Variants in PHLPP2 observed in about 807,000 individuals in gnomAD.
The protein encoded by PHLPP2 is PH domain and leucine rich repeat protein phosphatase 2.
Under a neutral mutation model 124.9 loss-of-function variants are expected in PHLPP2, and 66 were observed. The observed-to-expected ratio is 0.53, with a 90% CI of 0.43 to 0.65. The LOEUF (loss-of-function observed/expected upper bound fraction) is 0.65, where lower values mean the gene tolerates loss of function less well. Among genes scored for constraint, PHLPP2 ranks in the 30% least tolerant of loss-of-function variants. The pLI, the probability that PHLPP2 is intolerant of heterozygous loss-of-function variation, is 0.00. For missense variants in PHLPP2, 1,685 were observed against 1,600.4 expected, an observed-to-expected ratio of 1.05 and a Z score of -0.90; for synonymous variants, 681 against 624.7, an observed-to-expected ratio of 1.09 and a Z score of -1.34.
At chr16:71,695,611 G>A (rs1201367333) in intron 3 of PHLPP2, among the ~76,000 whole-genome samples, 2 of 152,060 alleles carry the variant, frequency 1.3e-5, no homozygotes, top group African/African-American at 4.8e-5. Context: ...TTGGGAGGCT[G>A]AGGCAGCAGA....
At chr16:71,683,084 C>G (rs1484805642) in intron 5 of PHLPP2, among the ~76,000 whole-genome samples, 1 of 151,862 alleles carries the variant, frequency 6.6e-6, no homozygotes, top group Non-Finnish European at 1.5e-5. Flanking sequence ...GGCAGGAGAA[C>G]TGCTTGAACC....
chr16:71,696,441 A>T (rs2045171869), intron 3 of PHLPP2, among the ~76,000 whole-genome samples: 1 of 152,050 alleles, frequency 6.6e-6, no homozygotes, highest in Non-Finnish European at 1.5e-5. Flanking sequence ...GTTCGAGACC[A>T]GCCTGACCAA....
chr16:71,691,775 C>T (rs945590910), intron 3 of PHLPP2, among the ~76,000 whole-genome samples: 12 of 151,804 alleles, frequency 7.9e-5, no homozygotes, highest in Non-Finnish European at 1.6e-4. Flanking sequence ...AACAAAACAG[C>T]ACATAATAAC....
At chr16:71,664,188 G>T in intron 12 of PHLPP2, 89 bp from the exon 13 acceptor site, 1 of 876,354 alleles carries the variant, frequency 1.1e-6, no homozygotes. Context: ...AGTATGGAAT[G>T]CTGCCATTCT....
intron 1 of PHLPP2, among the ~76,000 whole-genome samples, chr16:71,719,576 G>A (rs2045384538): frequency 6.6e-6 from 1 of 150,668 alleles, no homozygotes; most frequent in Non-Finnish European, 1.5e-5. Context: ...GGCATTAATT[G>A]TTTATACATA....
chr16:71,706,984 C>T (rs1234156626), intron 2 of PHLPP2, among the ~76,000 whole-genome samples: 1 of 99,740 alleles, frequency 1.0e-5, no homozygotes. Flanking sequence ...GAGACGGAGT[C>T]TTGCTGTCGC....
rs1250211609 is a variant in PHLPP2, at chr16:71,664,076, G to A, written c.1808C>T (p.Ala603Val). 6.2e-7 allele frequency: 1 copy of A among 1,612,946 alleles called. No individual in the cohort carries two copies. Among genetic ancestry groups the A allele is most frequent in the East Asian group, 2.2e-5 (1 of 44,882 alleles). ...GGATGGTAAAGACTCCAGACTATTT[G>A]CAGATGCATTCAAGTATCTGAGACT... The part of the protein sequence containing the change: ...ALNLRYLNAS[A>V]NSLESLPSAC... The change falls in exon 13 of 19, where the codon GCA becomes GTA. Residue 603 changes from alanine to valine, a missense_variant. Physicochemically the swap from Ala to Val is moderately conservative, Grantham distance 64. Coordinates refer to ENST00000568954, the MANE Select transcript of PHLPP2 (RefSeq NM_015020.3).
intron 5 of PHLPP2, among the ~76,000 whole-genome samples, chr16:71,682,725 T>C (rs992791599): frequency 1.3e-5 from 2 of 152,214 alleles, no homozygotes; most frequent in Admixed American, 1.3e-4. Flanking sequence ...TACTTAAAAC[T>C]GGGACTAGTT....
chr16:71,679,019 G>T, intron 7 of PHLPP2, 34 bp from the exon 8 acceptor site: 1 of 1,198,444 alleles, frequency 8.3e-7, no homozygotes, highest in Non-Finnish European at 1.2e-6. Context: ...TCTACTTTAT[G>T]AAAGGTTTCA....
rs916406527 is a variant in PHLPP2 at position 71,679,447 on chromosome 16, G to T, written c.979C>A (p.Leu327Ile). 4 of 1,613,652 alleles carry T rather than the reference G, an allele frequency of 2.5e-6. No individual in the cohort carries two copies. The highest frequency in any genetic ancestry group is 2.2e-5 in the East Asian group (1 of 44,866). ...LLCEISTLTE[L>I]NLSCNGFHDL... is the part of the protein sequence containing the mutation. ...TGAAATCCATTACAGGAAAGGTTGA[G>T]CTCAGTCAGGGTAGAGATCTCGCAT... Residue 327 changes from leucine (L) to isoleucine (I), a missense_variant, in exon 7 of 19, where the codon CTC becomes ATC. Leu to Ile is a conservative substitution (Grantham distance 5). Transcript: ENST00000568954.
intron 4 of PHLPP2, 31 bp from the exon 5 acceptor site, chr16:71,684,632 C>T (rs1294894694): frequency 6.4e-7 from 1 of 1,556,262 alleles, no homozygotes; most frequent in Admixed American, 2.1e-5. Flanking sequence ...AAACCAGAAC[C>T]ACTAAAAAAA....
intron 2 of PHLPP2, among the ~76,000 whole-genome samples, chr16:71,704,816 T>G (rs2045261873): frequency 6.6e-6 from 1 of 152,214 alleles, no homozygotes; most frequent in South Asian, 2.1e-4. Context: ...ATGGTGGGAT[T>G]CTTCTGAGAG....
intron 10 of PHLPP2, among the ~76,000 whole-genome samples, chr16:71,669,965 G>A (rs1215269628): frequency 1.3e-5 from 2 of 152,176 alleles, no homozygotes; most frequent in Admixed American, 1.3e-4. Context: ...ATATAATGAG[G>A]CAGAATGAAG....
chr16:71,704,096 G>A (rs1597014404), intron 2 of PHLPP2, among the ~76,000 whole-genome samples: 2 of 152,248 alleles, frequency 1.3e-5, no homozygotes, highest in East Asian at 3.9e-4. Context: ...GCTGAGGCGG[G>A]CGGATCACGA....
chr16:71,672,210 T>C (rs2044900432), intron 10 of PHLPP2, 52 bp downstream of exon 10: 7 of 1,344,366 alleles, frequency 5.2e-6, no homozygotes, highest in Admixed American at 1.8e-5. Context: ...AAAATCCACA[T>C]GTATCTCTTA....
intron 17 of PHLPP2, among the ~76,000 whole-genome samples, chr16:71,654,186 A>G (rs533406502): frequency 1.5e-4 from 22 of 142,662 alleles, no homozygotes; most frequent in African/African-American, 5.3e-4. Flanking sequence ...CAGAGCAAGA[A>G]GACTCCGTCT....
At chr16:71,701,602 A>G (rs2045233963) in intron 3 of PHLPP2, among the ~76,000 whole-genome samples, 1 of 152,184 alleles carries the variant, frequency 6.6e-6, no homozygotes, top group Non-Finnish European at 1.5e-5. Context: ...TGGTAGGAAA[A>G]GTAGGGGCAT....
intron 1 of PHLPP2, among the ~76,000 whole-genome samples, chr16:71,718,195 A>G (rs1006224741): frequency 2.0e-5 from 3 of 151,880 alleles, no homozygotes; most frequent in South Asian, 2.1e-4. Flanking sequence ...ACCAGGCCTG[A>G]TTTTTCTTCT....
chr16:71,700,126 G>T (rs2045215788), intron 3 of PHLPP2, among the ~76,000 whole-genome samples: 1 of 152,210 alleles, frequency 6.6e-6, no homozygotes, highest in Non-Finnish European at 1.5e-5. Flanking sequence ...GCTGCTCACA[G>T]TGGCTCGTGC....
Sources: allele counts gnomAD v4.1 joint callset (sites outside exome capture counted in the v4.1 genomes callset), GRCh38; gene constraint gnomAD v4.1.1; transcripts MANE v1.5; gene names NCBI Gene and HGNC (gene_info 2026-07-23, HGNC 2026-07-21).